The following BABAM2 variants were observed in gnomAD, a reference collection of about 807,000 sequenced individuals.
The protein encoded by BABAM2 is BRISC and BRCA1 A complex member 2, also known as BRISC and BRCA1-A complex member 2.
BABAM2 carries 31 observed loss-of-function variants against 54.7 expected under a neutral mutation model. The observed-to-expected ratio is 0.57, with a 90% confidence interval of 0.43 to 0.77. The LOEUF (loss-of-function observed/expected upper bound fraction) is 0.77, where lower values mean the gene tolerates loss of function less well. Ranked by LOEUF, BABAM2 falls within the 30% of genes least tolerant of loss-of-function variation. BABAM2 has a pLI of 0.00. For synonymous variants in BABAM2, 167 were observed against 162.9 expected (o/e 1.03, Z -0.19); for missense variants, 364 against 455.8 (o/e 0.80, Z 1.83).
chr2:28,227,136 A>T (rs575787643), intron 7 of BABAM2, among the ~76,000 whole-genome samples: 6 of 152,220 alleles, frequency 3.9e-5, no homozygotes, highest in Admixed American at 1.3e-4. Flanking sequence ...CTCAAAGCCC[A>T]GATTTTTTTT....
intron 10 of BABAM2, among the ~76,000 whole-genome samples, chr2:28,259,564 T>C (rs1183736399): frequency 1.3e-5 from 2 of 152,330 alleles, no homozygotes; most frequent in East Asian, 1.9e-4. Flanking sequence ...ATTGTGTCTT[T>C]CATAGAGCAA....
chr2:28,164,340 TC>T (rs745494451), intron 7 of BABAM2, among the ~76,000 whole-genome samples: 4 of 152,124 alleles, frequency 2.6e-5, no homozygotes, highest in African/African-American at 7.2e-5. Context: ...GAGGAGTGCG[TC>T]CTGGCCTGGA....
At chr2:27,902,778 A>C (rs1385373590) in intron 2 of BABAM2, among the ~76,000 whole-genome samples, 1 of 152,200 alleles carries the variant, frequency 6.6e-6, no homozygotes, top group Non-Finnish European at 1.5e-5. Context: ...ATCTGCACAA[A>C]GTCTGTGGCA....
chr2:28,056,160 T>C (rs986567285), intron 6 of BABAM2, among the ~76,000 whole-genome samples: 7 of 152,156 alleles, frequency 4.6e-5, no homozygotes, highest in African/African-American at 1.4e-4. Flanking sequence ...GAAGAGCACC[T>C]GTGTAGGATG....
intron 11 of BABAM2, among the ~76,000 whole-genome samples, chr2:28,318,803 C>A (rs1233255851): frequency 2.0e-5 from 3 of 152,154 alleles, no homozygotes. Flanking sequence ...TGACTGTCTT[C>A]AGTGGCATGG....
intron 2 of BABAM2, among the ~76,000 whole-genome samples, chr2:27,916,107 A>G (rs1224236198): frequency 6.6e-6 from 1 of 152,238 alleles, no homozygotes. Flanking sequence ...CTTGAGAATC[A>G]GAGCTATTGG....
intron 4 of BABAM2, among the ~76,000 whole-genome samples, chr2:28,006,374 G>A (rs1673978893): frequency 6.6e-6 from 1 of 151,862 alleles, no homozygotes; most frequent in Admixed American, 6.6e-5. Context: ...AGGACTATGT[G>A]CTTTATTTTA....
chr2:28,129,500 T>A, intron 7 of BABAM2, 120 bp downstream of exon 7: 1 of 920,128 alleles, frequency 1.1e-6, no homozygotes, highest in Non-Finnish European at 1.7e-6. Flanking sequence ...TTTGTTTTCT[T>A]AAAAAATTCA....
chr2:28,103,876 C>T (rs929168051), intron 6 of BABAM2, among the ~76,000 whole-genome samples: 1 of 152,166 alleles, frequency 6.6e-6, no homozygotes, highest in African/African-American at 2.4e-5. Context: ...CTTTTCTTAT[C>T]CAACATCAAA....
chr2:28,250,454 C>G (rs1683346760), intron 10 of BABAM2, among the ~76,000 whole-genome samples: 1 of 149,868 alleles, frequency 6.7e-6, no homozygotes, highest in African/African-American at 2.4e-5. Flanking sequence ...AATATAGCAA[C>G]ATTGCTCCTT....
intron 11 of BABAM2, among the ~76,000 whole-genome samples, chr2:28,316,040 T>G (rs1689524991): frequency 6.6e-6 from 1 of 152,184 alleles, no homozygotes; most frequent in African/African-American, 2.4e-5. Flanking sequence ...TTGCCAGATT[T>G]AGCAATTAAA....
chr2:28,198,393 G>C (rs1216451023), intron 7 of BABAM2, among the ~76,000 whole-genome samples: 2 of 151,960 alleles, frequency 1.3e-5, no homozygotes, highest in African/African-American at 2.4e-5. Context: ...GTCTCAATCT[G>C]CTGACCTTGT....
chr2:28,331,140 CCG>C (rs1471161559), intron 11 of BABAM2, among the ~76,000 whole-genome samples: 22 of 152,190 alleles, frequency 1.4e-4, no homozygotes, highest in African/African-American at 5.1e-4. Flanking sequence ...TGAAACTGGA[CCG>C]TCTCCTTACA....
At chr2:28,036,808 G>A (rs373308777) in intron 5 of BABAM2, among the ~76,000 whole-genome samples, 5 of 152,246 alleles carry the variant, frequency 3.3e-5, no homozygotes, top group African/African-American at 4.8e-5. Flanking sequence ...TGAGTGTCCC[G>A]ATTAAATTAC....
chr2:28,272,195 A>C (rs1395107322), intron 10 of BABAM2, among the ~76,000 whole-genome samples: 1 of 152,238 alleles, frequency 6.6e-6, no homozygotes, highest in Non-Finnish European at 1.5e-5. Context: ...AAGGTCTGTG[A>C]CCATAATATG....
chr2:28,016,185 A>T, intron 4 of BABAM2: 1 of 1,195,060 alleles, frequency 8.4e-7, no homozygotes. Context: ...AATACTTACC[A>T]GATTTCTTCT....
intron 7 of BABAM2, among the ~76,000 whole-genome samples, chr2:28,141,391 G>T (rs904357021): frequency 1.3e-5 from 2 of 152,064 alleles, no homozygotes; most frequent in African/African-American, 4.8e-5. Context: ...CAAGAATTCT[G>T]TTGTTCATAT....
chr2:27,971,429 A>G (rs963598142), intron 3 of BABAM2, among the ~76,000 whole-genome samples: 1 of 152,104 alleles, frequency 6.6e-6, no homozygotes, highest in Non-Finnish European at 1.5e-5. Context: ...ATAATTCATT[A>G]CTGTTTTTTT....
At chr2:28,046,507 GC>G (rs992795501) in intron 6 of BABAM2, among the ~76,000 whole-genome samples, 6 of 151,822 alleles carry the variant, frequency 4.0e-5, no homozygotes. Flanking sequence ...AAAAGATTTG[GC>G]TGGCCTCCCT....
Sources: allele counts gnomAD v4.1 joint callset (sites outside exome capture counted in the v4.1 genomes callset), GRCh38; gene constraint gnomAD v4.1.1; transcripts MANE v1.5; gene names NCBI Gene and HGNC (gene_info 2026-07-23, HGNC 2026-07-21).